The following VRK3 variants were observed in gnomAD, a reference collection of about 807,000 sequenced individuals.
The protein encoded by VRK3 is VRK serine/threonine kinase 3.
In VRK3, 50 loss-of-function variants were observed where a neutral mutation model predicts 60.4. The ratio of observed to expected loss-of-function variants is 0.83; its 90% CI spans 0.66 to 1.05. The LOEUF (loss-of-function observed/expected upper bound fraction) is 1.05, where lower values mean the gene tolerates loss of function less well. VRK3 is among the 50% of genes least tolerant of loss of function. VRK3 has a pLI of 0.00. For synonymous variants in VRK3, 246 were observed against 227.8 expected, an observed-to-expected ratio of 1.08 and a Z score of -0.72; for missense variants, 549 against 585.3, an observed-to-expected ratio of 0.94 and a Z score of 0.64.
At chr19:49,998,324 TAA>T (rs1419454821) in intron 6 of VRK3, 1 of 152,028 alleles carries the variant, frequency 6.6e-6, no homozygotes, top group Non-Finnish European at 1.5e-5. Context: ...CTGCCTCTAC[TAA>T]AAATACGAAA....
At position 49,979,139 on chromosome 19, in the gene VRK3, C is replaced by G. The variant is rs371668751; in HGVS notation, c.1380G>C (p.Leu460=). The change falls in exon 14 of 15, where the codon CTG becomes CTC. Residue 460 remains leucine (L), a synonymous_variant. Coordinates refer to ENST00000316763, the MANE Select transcript of VRK3 (RefSeq NM_016440.4). ...RNNLEALLQD[L]RVSPYDPIGL... is the part of the protein sequence containing the mutation. The stretch of plus-strand genomic sequence containing the variant: ...CAATGGGGTCATATGGAGACACACG[C>G]AGATCCTGCAGCAAAGCTTCTAGGT... The G allele has an allele frequency of 1.2e-6, 2 of 1,613,838 alleles. No homozygotes were observed. The highest frequency in any genetic ancestry group is 2.7e-5 in the African/African-American group (2 of 74,900).
chr19:50,006,024 G>C (rs906994088), intron 5 of VRK3, among the ~76,000 whole-genome samples: 2 of 149,358 alleles, frequency 1.3e-5, no homozygotes, highest in African/African-American at 2.6e-5. Context: ...GGTGGCTCAT[G>C]CCTGTAATCC....
chr19:50,008,175 T>TA (rs1288665065), intron 4 of VRK3, among the ~76,000 whole-genome samples: 30 of 152,092 alleles, frequency 2.0e-4, no homozygotes, highest in African/African-American at 7.0e-4. Context: ...GAAGGGATGT[T>TA]AGAGTTGGAT....
intron 6 of VRK3, chr19:49,997,870 C>T (rs2076732866): frequency 4.0e-6 from 1 of 250,764 alleles, no homozygotes; most frequent in Non-Finnish European, 7.7e-6. Flanking sequence ...ACCACATGAC[C>T]AAGTTCTGGC....
At position 49,995,269 on chromosome 19, in the gene VRK3, T is replaced by C; in HGVS notation, c.686A>G (p.Lys229Arg). The C allele has an allele frequency of 5.0e-6, 8 of 1,614,112 alleles. No homozygotes were observed. The highest frequency in any genetic ancestry group is 6.8e-6 in the Non-Finnish European group (8 of 1,179,996). The change falls in exon 8 of 15, where the codon AAG becomes AGG. Residue 229 changes from lysine to arginine, a missense_variant. Physicochemically the swap from Lys to Arg is conservative, Grantham distance 26. Transcript: ENST00000316763. ...TGGGGTCGAGTACAGCTTCTTCCAC[T>C]TGTTGACTGCGGAAAGCAGGGGCTT... ...QRAAKPLQVNKWKKLYSTPLL... is the reference protein window; with the variant it reads ...QRAAKPLQVNRWKKLYSTPLL...
chr19:50,016,523 C>G (rs1476842644), intron 2 of VRK3, among the ~76,000 whole-genome samples: 1 of 152,254 alleles, frequency 6.6e-6, no homozygotes, highest in African/African-American at 2.4e-5. Flanking sequence ...GGCCATGGCT[C>G]CCAACTGACA....
chr19:49,993,870 C>T (rs1439079351), intron 9 of VRK3, among the ~76,000 whole-genome samples: 3 of 152,070 alleles, frequency 2.0e-5, no homozygotes, highest in Non-Finnish European at 4.4e-5. Flanking sequence ...CCCACATGGA[C>T]CCTCACTCAG....
At chr19:50,020,968 G>A (rs1234547959) in intron 1 of VRK3, among the ~76,000 whole-genome samples, 1 of 152,180 alleles carries the variant, frequency 6.6e-6, no homozygotes, top group Non-Finnish European at 1.5e-5. Flanking sequence ...TACCATAGAA[G>A]AAAACAGGAT....
Position 50,011,976 on chromosome 19 carries a change from T to C in VRK3, c.140-2591A>G, listed in dbSNP as rs542979965. Among the ~76,000 whole-genome samples, 119 of 151,480 alleles carry C rather than the reference T, an allele frequency of 7.9e-4. 2 individuals are homozygous for C. In the East Asian group the frequency reaches 0.021, roughly 27 times the overall value. On this transcript the variant is annotated intron_variant, in intron 3 of 14. Coordinates refer to ENST00000316763, the MANE Select transcript of VRK3 (RefSeq NM_016440.4). ...CAACTCCCACCTTGCTCATTCTTTT[T>C]TTTTTTTTTTTTGAGACGGAGTTTT...
chr19:49,989,221 T>C (rs2076568865), intron 11 of VRK3, among the ~76,000 whole-genome samples: 1 of 152,140 alleles, frequency 6.6e-6, no homozygotes, highest in Non-Finnish European at 1.5e-5. Flanking sequence ...GTCTGTACAC[T>C]TTCCCTGGAT....
chr19:49,976,751 T>C lies in VRK3; in HGVS notation c.*45A>G, dbSNP rs2076337052. On this transcript the variant is annotated 3_prime_UTR_variant, in exon 15 of 15. Transcript: ENST00000316763. ...GGCCTTGAGTCACATTACTTCATTT[T>C]TTTTTTTCTGTTGCACACTGCAAAT... The C allele has an allele frequency of 6.6e-6, 1 of 152,402 alleles. No individual in the cohort carries two copies. Among genetic ancestry groups the C allele is most frequent in the African/African-American group, 2.4e-5 (1 of 41,458 alleles). The allele number at this position is 152,402 out of a possible 1,614,324, so 9.4% of individuals were successfully genotyped here.
chr19:49,978,956 G>T, intron 14 of VRK3, 127 bp downstream of exon 14: 2 of 1,012,234 alleles, frequency 2.0e-6, no homozygotes, highest in Non-Finnish European at 2.8e-6. Flanking sequence ...AAAACCCAGT[G>T]TCTCCCTGGG....
chr19:49,984,514 C>T (rs1245176416), intron 12 of VRK3, among the ~76,000 whole-genome samples: 1 of 152,252 alleles, frequency 6.6e-6, no homozygotes, highest in African/African-American at 2.4e-5. Context: ...TCCGTGTCTC[C>T]TCCCAGCCCT....
chr19:50,022,572 G>A (rs1043315017), intron 1 of VRK3, among the ~76,000 whole-genome samples: 5 of 152,118 alleles, frequency 3.3e-5, no homozygotes. Context: ...GATCACGTGA[G>A]GTTAGGAGTT....
At chr19:50,000,431 T>G (rs1600689438) in intron 6 of VRK3, 1 of 316,042 alleles carries the variant, frequency 3.2e-6, no homozygotes. Context: ...ACACAGTAGG[T>G]GCTCGATACG....
At chr19:49,996,142 A>G (rs10417334) in intron 7 of VRK3, among the ~76,000 whole-genome samples, 7,947 of 151,746 alleles carry the variant, frequency 0.052, 681 homozygotes, top group African/African-American at 0.18. Flanking sequence ...GGATGGTCTC[A>G]ATCTCCTGAC....
chr19:49,994,837 C>T lies in VRK3; in HGVS notation c.847G>A (p.Val283Met). The change falls in exon 9 of 15, where the codon GTG (valine) becomes ATG (methionine). Residue 283 changes from valine (V) to methionine (M), a missense_variant. Val to Met is a conservative substitution (Grantham distance 21). Coordinates refer to ENST00000316763, the MANE Select transcript of VRK3 (RefSeq NM_016440.4). ...ACCAGCCGGCAGGCCACCTGCAGCA[C>T]AGACCTCTCTGACAGCACATGCTTT... The part of the protein sequence containing the change: ...SPKHVLSERS[V>M]LQVACRLLDA... 1.2e-6 allele frequency: 2 copies of T among 1,614,104 alleles called. No homozygotes were observed. Among genetic ancestry groups the T allele is most frequent in the Non-Finnish European group, 1.7e-6 (2 of 1,180,008 alleles).
At chr19:49,995,399 A>G (rs1392796974) in intron 7 of VRK3, 124 bp from the exon 8 acceptor site, 1 of 803,692 alleles carries the variant, frequency 1.2e-6, no homozygotes, top group East Asian at 2.7e-5. Flanking sequence ...GTTGGAGGTG[A>G]CAACATTGTG....
chr19:49,983,640 C>A (rs1381648081), intron 12 of VRK3, among the ~76,000 whole-genome samples: 2 of 152,266 alleles, frequency 1.3e-5, no homozygotes, highest in Non-Finnish European at 2.9e-5. Context: ...TGCCAGAAAG[C>A]CTCGGGGACT....
Sources: allele counts gnomAD v4.1 joint callset (sites outside exome capture counted in the v4.1 genomes callset), GRCh38; gene constraint gnomAD v4.1.1; transcripts MANE v1.5; gene names NCBI Gene and HGNC (gene_info 2026-07-23, HGNC 2026-07-21).